The following NTRK3 variants were observed in gnomAD, a reference collection of about 807,000 sequenced individuals.
NTRK3 encodes the protein NT-3 growth factor receptor.
NTRK3 carries 24 observed loss-of-function variants against 91.7 expected under a neutral mutation model. That is an observed-to-expected ratio of 0.26 (90% CI 0.19 to 0.37). NTRK3 has a LOEUF of 0.37. Ranked by LOEUF, NTRK3 falls within the 10% of genes least tolerant of loss-of-function variation. The pLI is 1.00. For missense variants in NTRK3, 880 were observed against 1,068.9 expected, an observed-to-expected ratio of 0.82 and a Z score of 2.46; for synonymous variants, 483 against 404.0, an observed-to-expected ratio of 1.20 and a Z score of -2.34.
At chr15:87,892,083 A>ACACAC (rs2065880934) in intron 17 of NTRK3, among the ~76,000 whole-genome samples, 1 of 141,344 alleles carries the variant, frequency 7.1e-6, no homozygotes, top group African/African-American at 2.8e-5. Context: ...CCCCATCCCC[A>ACACAC]ACACACACAC....
chr15:88,183,732 C>G (rs534326051), intron 4 of NTRK3, among the ~76,000 whole-genome samples: 1 of 152,204 alleles, frequency 6.6e-6, no homozygotes, highest in Non-Finnish European at 1.5e-5. Context: ...CAGCTGCCCT[C>G]CACCCATCCT....
intron 17 of NTRK3, among the ~76,000 whole-genome samples, chr15:87,884,555 T>C (rs901410443): frequency 4.0e-5 from 6 of 151,742 alleles, no homozygotes; most frequent in African/African-American, 1.4e-4. Context: ...TACATAGTTA[T>C]CTATATGTGT....
At chr15:88,221,776 G>A (rs533385535) in intron 3 of NTRK3, among the ~76,000 whole-genome samples, 3 of 152,250 alleles carry the variant, frequency 2.0e-5, no homozygotes, top group African/African-American at 7.2e-5. Flanking sequence ...GTGGGAGGGG[G>A]GCTTGTTCAA....
At chr15:88,024,797 C>G (rs1015156302) in intron 14 of NTRK3, among the ~76,000 whole-genome samples, 2 of 152,180 alleles carry the variant, frequency 1.3e-5, no homozygotes, top group Non-Finnish European at 2.9e-5. Context: ...GGGTTCAGGG[C>G]TGACATCATG....
intron 13 of NTRK3, among the ~76,000 whole-genome samples, chr15:88,081,913 A>G (rs1256436334): frequency 1.3e-5 from 2 of 151,868 alleles, no homozygotes; most frequent in Middle Eastern, 6.3e-3. Flanking sequence ...TGTCACCAAA[A>G]CCCTGCTTTG....
rs533273171 is a variant in NTRK3 at position 88,108,432 on chromosome 15, T to A, written c.1396+17839A>T. On this transcript the variant is annotated intron_variant, in intron 13 of 18. Coordinates refer to ENST00000394480, the Ensembl canonical transcript of NTRK3. ...TCAAACCTGGTGATCCTAAAAAGAA[T>A]AGCCCATATATGCAATGGGTGCTCC... Among the ~76,000 whole-genome samples, 20 of 152,290 alleles carry A rather than the reference T, an allele frequency of 1.3e-4. No individual in the cohort carries two copies. The East Asian group carries it at 2.7e-3, about 21-fold the overall frequency.
rs1176596017 is a variant in NTRK3, at chr15:88,235,920, G to T, written c.248+19986C>A. On this transcript the variant is annotated intron_variant, in intron 3 of 18. Coordinates refer to ENST00000394480, the Ensembl canonical transcript of NTRK3. The surrounding 1 kb of genome is among the most constrained non-coding windows in gnomAD (Gnocchi z 5.2). ...TCCCCTCAATTTCTTCCTCTGCAAG[G>T]CAAAGATACAAGGTCCTGTTTCGAT... 6.6e-6 allele frequency among the ~76,000 whole-genome samples: 1 copy of T among 152,196 alleles called. No homozygotes were observed. The highest frequency in any genetic ancestry group is 1.5e-5 in the Non-Finnish European group (1 of 68,048).
intron 13 of NTRK3, among the ~76,000 whole-genome samples, chr15:88,109,440 G>C (rs2051082073): frequency 6.6e-6 from 1 of 152,180 alleles, no homozygotes. Context: ...GCTCCTAAAA[G>C]AAGCAGGGAC....
chr15:88,084,837 G>A (rs570565999), intron 13 of NTRK3, among the ~76,000 whole-genome samples: 8 of 152,336 alleles, frequency 5.3e-5, no homozygotes, highest in African/African-American at 1.7e-4. Context: ...CACACTGAGA[G>A]CCACTGTAAG....
rs112276006 is a variant in NTRK3, at chr15:87,872,811, A to G, written c.*4124T>C. 1,287 of 232,916 alleles carry G rather than the reference A, an allele frequency of 5.5e-3. 14 individuals carry two copies. Among genetic ancestry groups the G allele is most frequent in the African/African-American group, 0.019 (866 of 45,450 alleles). 14.4% of individuals were successfully genotyped at this position (232,916 alleles called of 1,614,324 possible). A position where few individuals can be genotyped will look rare whatever the true frequency, so the allele number is the denominator to read the frequency against. On this transcript the variant is annotated 3_prime_UTR_variant, in exon 19 of 19. Coordinates refer to ENST00000394480, the Ensembl canonical transcript of NTRK3. ...TTCACTTCATCTCTTATTTTTAACA[A>G]GCAAGTACATATATATCAGGTGGGA...
chr15:88,147,551 CTT>C, intron 5 of NTRK3, 148 bp from the exon 6 acceptor site: 1 of 613,140 alleles, frequency 1.6e-6, no homozygotes, highest in Non-Finnish European at 2.8e-6. Flanking sequence ...TCTTCTTCTT[CTT>C]CATGCTGTTA....
At chr15:88,125,235 G>A (rs940828868) in intron 13 of NTRK3, among the ~76,000 whole-genome samples, 4 of 152,228 alleles carry the variant, frequency 2.6e-5, no homozygotes, top group African/African-American at 9.6e-5. Context: ...GACTAGTTCG[G>A]TTCCATGCGC....
At chr15:88,106,356 C>G (rs2050708868) in intron 13 of NTRK3, among the ~76,000 whole-genome samples, 1 of 152,222 alleles carries the variant, frequency 6.6e-6, no homozygotes, top group Non-Finnish European at 1.5e-5. Context: ...TCCTTATGCT[C>G]ATTCACATTT....
At chr15:88,026,839 G>A (rs1032062022) in intron 14 of NTRK3, among the ~76,000 whole-genome samples, 1 of 152,082 alleles carries the variant, frequency 6.6e-6, no homozygotes, top group African/African-American at 2.4e-5. Flanking sequence ...ATTAACCCCA[G>A]GGCCAGGTAT....
exon 19 of NTRK3, chr15:87,861,322 T>A (rs113695039): frequency 9.7e-5 from 21 of 216,746 alleles, no homozygotes; most frequent in African/African-American, 4.5e-4. Context: ...TGCACTGAAG[T>A]AGGTACCAGC....
intron 14 of NTRK3, among the ~76,000 whole-genome samples, chr15:87,952,401 G>T (rs80250787): frequency 6.6e-6 from 1 of 152,158 alleles, no homozygotes; most frequent in African/African-American, 2.4e-5. Flanking sequence ...GCACAGCAGG[G>T]AAGCTCTGTT....
At position 87,942,322 on chromosome 15, in the gene NTRK3, A is replaced by C. The variant is rs180958857; in HGVS notation, c.1586-1569T>G. ...GCTACACACTGCAGGGCTATGCCCC[A>C]GTCTTTACAGGGAGGGGATTAAAAC... On this transcript the variant is annotated intron_variant, in intron 14 of 18. Coordinates refer to ENST00000394480, the Ensembl canonical transcript of NTRK3. 2.6e-5 allele frequency among the ~76,000 whole-genome samples: 4 copies of C among 152,350 alleles called. No homozygotes were observed. In the East Asian group the frequency reaches 7.7e-4, roughly 29 times the overall value.
intron 3 of NTRK3, among the ~76,000 whole-genome samples, chr15:88,200,837 T>C (rs766869192): frequency 6.6e-6 from 1 of 152,226 alleles, no homozygotes; most frequent in Non-Finnish European, 1.5e-5. Flanking sequence ...CTTAGCAATA[T>C]GACAGGGTCT....
chr15:88,161,571 C>T (rs969651205), intron 5 of NTRK3, among the ~76,000 whole-genome samples: 5 of 152,272 alleles, frequency 3.3e-5, no homozygotes, highest in East Asian at 1.9e-4. Context: ...CACTGTGTTC[C>T]CTGGACTAAC....
Sources: gnomAD v4.1 joint callset for allele counts (sites outside exome capture counted in the v4.1 genomes callset) on GRCh38, gnomAD v4.1.1 for gene constraint, Gnocchi (gnomAD v3.1) non-coding constraint, MANE v1.5 for transcripts, NCBI Gene and HGNC (gene_info 2026-07-23, HGNC 2026-07-21) for gene names.